Variants in TRIM44 observed in about 807,000 individuals in gnomAD.
TRIM44 encodes the protein tripartite motif containing 44.
Under a neutral mutation model 37.4 loss-of-function variants are expected in TRIM44, and 13 were observed. The ratio of observed to expected loss-of-function variants is 0.35; its 90% CI spans 0.23 to 0.55. The LOEUF (loss-of-function observed/expected upper bound fraction) is 0.55, where lower values mean the gene tolerates loss of function less well. Ranked by LOEUF, TRIM44 falls within the 20% of genes least tolerant of loss-of-function variation. The pLI is 0.89. For synonymous variants in TRIM44, 175 were observed against 157.2 expected, an observed-to-expected ratio of 1.11 and a Z score of -0.85; for missense variants, 426 against 437.2, an observed-to-expected ratio of 0.97 and a Z score of 0.23.
intron 2 of TRIM44, among the ~76,000 whole-genome samples, chr11:35,706,912 G>T (rs892758362): frequency 1.1e-4 from 16 of 149,806 alleles, no homozygotes; most frequent in African/African-American, 3.7e-4. Context: ...GTTCTGGCCA[G>T]GGCAATTAGG....
chr11:35,761,022 A>G (rs1021258136), intron 4 of TRIM44, among the ~76,000 whole-genome samples: 1 of 152,076 alleles, frequency 6.6e-6, no homozygotes, highest in Non-Finnish European at 1.5e-5. Flanking sequence ...TTTAGATTCC[A>G]CATATTAGTA....
Position 35,813,482 on chromosome 11 carries a change from T to C in TRIM44, c.*7097T>C, listed in dbSNP as rs1370854640. On this transcript the variant is annotated 3_prime_UTR_variant, in exon 5 of 5. Coordinates refer to ENST00000299413, the MANE Select transcript of TRIM44 (RefSeq NM_017583.6). ...TATTTGCTCTTCCTTCACACATATT[T>C]CTAACTGTAAAGGAAAGAAACAGAC... 6.6e-6 allele frequency: 1 copy of C among 152,100 alleles called. No individual in the cohort carries two copies. The highest frequency in any genetic ancestry group is 1.5e-5 in the Non-Finnish European group (1 of 68,012). The allele number at this position is 152,100 out of a possible 1,614,324, so 9.4% of individuals were successfully genotyped here.
chr11:35,795,061 T>C (rs546894124), intron 4 of TRIM44, among the ~76,000 whole-genome samples: 52 of 152,160 alleles, frequency 3.4e-4, no homozygotes, highest in Non-Finnish European at 3.1e-4. Context: ...CATTCCAAGA[T>C]GTGAGGGTAA....
At chr11:35,773,332 C>A (rs143761934) in intron 4 of TRIM44, among the ~76,000 whole-genome samples, 2 of 151,918 alleles carry the variant, frequency 1.3e-5, no homozygotes, top group Admixed American at 1.3e-4. Flanking sequence ...CATGGAGTTA[C>A]TTGTTCTTTG....
intron 4 of TRIM44, among the ~76,000 whole-genome samples, chr11:35,790,130 C>T (rs538408495): frequency 6.6e-6 from 1 of 152,290 alleles, no homozygotes; most frequent in East Asian, 1.9e-4. Flanking sequence ...TATCATTTCT[C>T]TTCCCCCCAG....
chr11:35,719,957 A>C (rs1852081496), intron 2 of TRIM44, among the ~76,000 whole-genome samples: 1 of 152,154 alleles, frequency 6.6e-6, no homozygotes, highest in Non-Finnish European at 1.5e-5. Flanking sequence ...TTATAGTAAG[A>C]CTTGAATTGA....
At chr11:35,733,183 A>G (rs1009969665) in intron 3 of TRIM44, among the ~76,000 whole-genome samples, 3 of 152,170 alleles carry the variant, frequency 2.0e-5, no homozygotes, top group Non-Finnish European at 4.4e-5. Flanking sequence ...TGAACCTTGG[A>G]GAAGAAAATT....
chr11:35,805,777 A>C (rs1853438467), intron 4 of TRIM44, among the ~76,000 whole-genome samples: 1 of 151,890 alleles, frequency 6.6e-6, no homozygotes, highest in South Asian at 2.1e-4. Flanking sequence ...ATGTAATGTG[A>C]TAAGGCCTAT....
intron 2 of TRIM44, among the ~76,000 whole-genome samples, chr11:35,703,834 ACT>A (rs1386900979): frequency 6.6e-6 from 1 of 152,210 alleles, no homozygotes; most frequent in African/African-American, 2.4e-5. Flanking sequence ...AAAACTGGAA[ACT>A]CTAAAAAGTA....
intron 4 of TRIM44, among the ~76,000 whole-genome samples, chr11:35,737,961 C>T (rs1852346120): frequency 1.3e-5 from 2 of 152,150 alleles, no homozygotes; most frequent in African/African-American, 4.8e-5. Context: ...TTTCCACAGA[C>T]CTTTGGTTTA....
In TRIM44 at chr11:35,798,540, A is replaced by C. The variant is rs78086545; in HGVS notation, c.1008-7818A>C. The stretch of plus-strand genomic sequence containing the variant: ...AAATCTAAAGCTGTTCTAAAAATTA[A>C]AGCTTATAAAACAAATGCAAACATG... On this transcript the variant is annotated intron_variant, in intron 4 of 4. Transcript: ENST00000299413. Among the ~76,000 whole-genome samples, 2,134 of 151,502 alleles carry C rather than the reference A, an allele frequency of 0.014. 120 individuals are homozygous for C. In the East Asian group the frequency reaches 0.14, roughly 10 times the overall value.
intron 2 of TRIM44, among the ~76,000 whole-genome samples, chr11:35,706,368 T>C (rs1312632731): frequency 6.6e-6 from 1 of 152,146 alleles, no homozygotes; most frequent in Admixed American, 6.5e-5. Context: ...TCTGAAACTA[T>C]TCCAATCAAT....
chr11:35,704,229 G>C (rs566995793), intron 2 of TRIM44, among the ~76,000 whole-genome samples: 2 of 152,114 alleles, frequency 1.3e-5, no homozygotes, highest in Non-Finnish European at 2.9e-5. Flanking sequence ...AAAAAGGAAC[G>C]AACAAAGCCT....
At chr11:35,795,605 A>G (rs1292171078) in intron 4 of TRIM44, among the ~76,000 whole-genome samples, 3 of 152,224 alleles carry the variant, frequency 2.0e-5, no homozygotes, top group Admixed American at 6.5e-5. Flanking sequence ...TGTACACTAA[A>G]AGAACAAACT....
intron 4 of TRIM44, among the ~76,000 whole-genome samples, chr11:35,765,746 CTCAT>C: frequency 1.3e-5 from 2 of 151,240 alleles, no homozygotes; most frequent in Admixed American, 1.4e-4. Flanking sequence ...TGATGTTTCA[CTCAT>C]TCATTCATTT....
intron 4 of TRIM44, among the ~76,000 whole-genome samples, chr11:35,771,583 G>T (rs1362524452): frequency 6.6e-6 from 1 of 152,054 alleles, no homozygotes; most frequent in Non-Finnish European, 1.5e-5. Flanking sequence ...AAATTAGCTG[G>T]GCTTGTTGTC....
chr11:35,735,464 T>C lies in TRIM44; in HGVS notation c.1007+19T>C. On this transcript the variant is annotated intron_variant, in intron 4 of 4. Coordinates refer to ENST00000299413, the MANE Select transcript of TRIM44 (RefSeq NM_017583.6). ...GACCCAGGTAAGATCACATTGTTGCTTGTCTTTTCTCATAATTGAAGTAGA... is the reference window on the plus strand; with the variant it reads ...GACCCAGGTAAGATCACATTGTTGCCTGTCTTTTCTCATAATTGAAGTAGA... 1 of 1,613,376 alleles carries C rather than the reference T, an allele frequency of 6.2e-7. No homozygotes were observed. The highest frequency in any genetic ancestry group is 8.5e-7 in the Non-Finnish European group (1 of 1,179,410).
chr11:35,769,489 T>G (rs904965350), intron 4 of TRIM44, among the ~76,000 whole-genome samples: 1 of 152,208 alleles, frequency 6.6e-6, no homozygotes, highest in Non-Finnish European at 1.5e-5. Context: ...TCCAGCATTC[T>G]GATGTGCATG....
intron 4 of TRIM44, among the ~76,000 whole-genome samples, chr11:35,779,111 G>C (rs904801955): frequency 3.3e-5 from 5 of 152,172 alleles, no homozygotes; most frequent in Admixed American, 2.0e-4. Context: ...GAGCTTCCCA[G>C]CTGCTTTGTT....
Sources: allele counts gnomAD v4.1 joint callset (sites outside exome capture counted in the v4.1 genomes callset), GRCh38; gene constraint gnomAD v4.1.1; transcripts MANE v1.5; gene names NCBI Gene and HGNC (gene_info 2026-07-23, HGNC 2026-07-21).